The following PPP1R21 variants were observed in gnomAD, a reference collection of about 807,000 sequenced individuals.
PPP1R21 encodes the protein KLRAQ motif containing 1.
In PPP1R21, 85 loss-of-function variants were observed where a neutral mutation model predicts 112.8. That is an observed-to-expected ratio of 0.75 (90% CI 0.63 to 0.90). PPP1R21 has a LOEUF of 0.90. Among genes scored for constraint, PPP1R21 ranks in the 40% least tolerant of loss-of-function variants. The probability of loss-of-function intolerance (pLI) is 0.00; values close to 1 mark genes in which losing one functional copy is unlikely to be tolerated. For synonymous variants in PPP1R21, 381 were observed against 322.3 expected, an observed-to-expected ratio of 1.18 and a Z score of -1.95; for missense variants, 1,199 against 901.5, an observed-to-expected ratio of 1.33 and a Z score of -4.23.
chr2:48,504,994 T>TA (rs1199910261), intron 17 of PPP1R21, among the ~76,000 whole-genome samples: 9 of 149,414 alleles, frequency 6.0e-5, no homozygotes, highest in African/African-American at 1.2e-4. Flanking sequence ...ACCTTGTGTC[T>TA]AAAAAAAAAA....
intron 1 of PPP1R21, among the ~76,000 whole-genome samples, chr2:48,448,494 TA>T (rs1462317764): frequency 6.6e-6 from 1 of 152,216 alleles, no homozygotes; most frequent in African/African-American, 2.4e-5. Flanking sequence ...GCTTCATTCT[TA>T]GTCCTTGAAG....
rs1226722029 is a variant in PPP1R21 at position 48,456,763 on chromosome 2, A to G, written c.274-1363A>G. ...CACTTGGGAAACTTTTTCAAGATAT[A>G]CATACCAGGCCAGGCACAGTGGCTC... On this transcript the variant is annotated intron_variant, in intron 3 of 21. Coordinates refer to ENST00000294952, the MANE Select transcript of PPP1R21 (RefSeq NM_001135629.3). 2.6e-5 allele frequency among the ~76,000 whole-genome samples: 4 copies of G among 152,320 alleles called. No individual in the cohort carries two copies. In the East Asian group the frequency reaches 7.7e-4, roughly 29 times the overall value.
intron 17 of PPP1R21, among the ~76,000 whole-genome samples, chr2:48,501,712 A>T (rs1670122934): frequency 6.6e-6 from 1 of 152,050 alleles, no homozygotes; most frequent in South Asian, 2.1e-4. Context: ...CCAGAGGCTG[A>T]AGCAGGAGGA....
intron 21 of PPP1R21, among the ~76,000 whole-genome samples, chr2:48,514,247 G>A (rs1367200656): frequency 7.3e-5 from 11 of 151,708 alleles, no homozygotes; most frequent in African/African-American, 2.4e-4. Flanking sequence ...CACCATGCCC[G>A]GCTAATTTTT....
At chr2:48,453,450 C>T (rs1667572905) in intron 2 of PPP1R21, among the ~76,000 whole-genome samples, 1 of 152,182 alleles carries the variant, frequency 6.6e-6, no homozygotes, top group Non-Finnish European at 1.5e-5. Flanking sequence ...GTCTCGGCTT[C>T]CCAAAGTGCT....
chr2:48,453,831 T>C (rs1667591369), intron 2 of PPP1R21, among the ~76,000 whole-genome samples: 1 of 152,236 alleles, frequency 6.6e-6, no homozygotes, highest in Non-Finnish European at 1.5e-5. Flanking sequence ...TGAAGAACAA[T>C]TAAGTGTGTT....
rs1457762801 is a variant in PPP1R21 at position 48,507,293 on chromosome 2, G to C, written c.1993G>C (p.Asp665His). ...GGTTCCAGATGTGGAATCTCGTGAA[G>C]ACTTAATTAAAAATCACTACATGGC... is the stretch of plus-strand genomic sequence containing the variant. Reference protein sequence around the residue: ...SEVPDVESREDLIKNHYMARI... With the variant: ...SEVPDVESREHLIKNHYMARI... The change falls in exon 19 of 22, where the codon GAC becomes CAC. Residue 665 changes from aspartate (D) to histidine (H), a missense_variant. Transcript: ENST00000294952. 1.3e-6 allele frequency: 2 copies of C among 1,568,368 alleles called. No homozygotes were observed. Among genetic ancestry groups the C allele is most frequent in the Non-Finnish European group, 1.7e-6 (2 of 1,163,436 alleles).
rs1225265698 is a variant in PPP1R21 at position 48,511,471 on chromosome 2, A to G, written c.2313+3A>G. ...ACACACTAAAGATGTCCAGTAAGGT[A>G]TGTGAGGTGAGGTGAGGTAGTCTCT... On this transcript the variant is annotated splice_donor_region_variant and intron_variant, in intron 21 of 21. Transcript: ENST00000294952. 2 of 1,611,792 alleles carry G rather than the reference A, an allele frequency of 1.2e-6. No homozygotes were observed. The highest frequency in any genetic ancestry group is 4.5e-5 in the East Asian group (2 of 44,864).
intron 3 of PPP1R21, among the ~76,000 whole-genome samples, chr2:48,457,276 G>C (rs953999904): frequency 6.6e-6 from 1 of 152,134 alleles, no homozygotes; most frequent in Non-Finnish European, 1.5e-5. Flanking sequence ...TGCACCTCTT[G>C]TTTTCCAAAC....
chr2:48,491,416 G>A (rs1572880281), intron 15 of PPP1R21, among the ~76,000 whole-genome samples: 2 of 152,068 alleles, frequency 1.3e-5, no homozygotes, highest in African/African-American at 4.8e-5. Flanking sequence ...CTGATAGAGC[G>A]CCTGGGGTGA....
intron 18 of PPP1R21, 119 bp downstream of exon 18, chr2:48,505,715 T>C (rs775159972): frequency 6.6e-5 from 56 of 845,066 alleles, no homozygotes; most frequent in Middle Eastern, 6.6e-4. Context: ...CTGACACTTC[T>C]AGCAAATGTG....
At chr2:48,514,662 A>T in intron 21 of PPP1R21, 53 bp from the exon 22 acceptor site, 1 of 1,311,380 alleles carries the variant, frequency 7.6e-7, no homozygotes, top group Non-Finnish European at 1.1e-6. Context: ...AAACTATGTG[A>T]GTTATTTTTT....
At chr2:48,507,131 G>A in intron 18 of PPP1R21, 138 bp from the exon 19 acceptor site, 1 of 1,251,624 alleles carries the variant, frequency 8.0e-7, no homozygotes, top group South Asian at 2.0e-5. Flanking sequence ...AAGTTTCTTC[G>A]AGGGGGTAGG....
chr2:48,474,852 A>T, intron 12 of PPP1R21, 33 bp downstream of exon 12: 1 of 1,593,520 alleles, frequency 6.3e-7, no homozygotes, highest in Non-Finnish European at 8.6e-7. Flanking sequence ...GGTCAACTTC[A>T]AGGACTTAAG....
chr2:48,511,656 G>A lies in PPP1R21; in HGVS notation c.2313+188G>A, dbSNP rs577877540. ...GTGGGAGGATCCCTTGAGGCCAGGA[G>A]TTGGAGAGCAGAGTGGGCAATATAG... On this transcript the variant is annotated intron_variant, in intron 21 of 21. Coordinates refer to ENST00000294952, the MANE Select transcript of PPP1R21 (RefSeq NM_001135629.3). Among the ~76,000 whole-genome samples the A allele has an allele frequency of 1.8e-4, 27 of 150,950 alleles. 1 individual carries two copies. The highest frequency in any genetic ancestry group is 3.8e-4 in the Non-Finnish European group (26 of 67,852).
rs966810327 is a variant in PPP1R21, at chr2:48,461,475, A to C, written c.694+243A>C. On this transcript the variant is annotated intron_variant, in intron 7 of 21. Coordinates refer to ENST00000294952, the MANE Select transcript of PPP1R21 (RefSeq NM_001135629.3). ...GCCCAAATCCACATTTTTTGATTGCATGTATTTAGCATTTTCCAAGATAAA... is the reference window on the plus strand; with the variant it reads ...GCCCAAATCCACATTTTTTGATTGCCTGTATTTAGCATTTTCCAAGATAAA... 7.2e-5 allele frequency among the ~76,000 whole-genome samples: 11 copies of C among 152,290 alleles called. No homozygotes were observed. The South Asian group carries it at 1.7e-3, about 23-fold the overall frequency.
intron 15 of PPP1R21, among the ~76,000 whole-genome samples, chr2:48,494,086 C>T (rs954956919): frequency 2.1e-5 from 3 of 145,708 alleles, no homozygotes; most frequent in African/African-American, 7.6e-5. Flanking sequence ...AAAAAATAGC[C>T]TGGCATGGTG....
chr2:48,452,959 T>G (rs1256571996), intron 2 of PPP1R21, among the ~76,000 whole-genome samples: 2 of 151,168 alleles, frequency 1.3e-5, no homozygotes, highest in East Asian at 3.8e-4. Flanking sequence ...TGTTCCTTTT[T>G]TTTTTTTTTT....
At chr2:48,491,789 A>G (rs1011768042) in intron 15 of PPP1R21, among the ~76,000 whole-genome samples, 6 of 152,128 alleles carry the variant, frequency 3.9e-5, no homozygotes, top group African/African-American at 1.4e-4. Flanking sequence ...ATATATTTAT[A>G]TATATCTCAA....
Sources: gnomAD v4.1 joint callset for allele counts (sites outside exome capture counted in the v4.1 genomes callset) on GRCh38, gnomAD v4.1.1 for gene constraint, MANE v1.5 for transcripts, NCBI Gene and HGNC (gene_info 2026-07-23, HGNC 2026-07-21) for gene names.